The following LRP1B variants were observed in gnomAD, a reference collection of about 807,000 sequenced individuals.
The protein encoded by LRP1B is LDL receptor related protein 1B.
A neutral mutation model predicts 556.6 loss-of-function variants in LRP1B; 217 were observed. The ratio of observed to expected loss-of-function variants is 0.39; its 90% CI spans 0.35 to 0.44. The LOEUF (loss-of-function observed/expected upper bound fraction) is 0.44. Among genes scored for constraint, LRP1B ranks in the 20% least tolerant of loss-of-function variants. LRP1B has a pLI of 1.00. For synonymous variants in LRP1B, 2,047 were observed against 1,865.8 expected (o/e 1.10, Z -2.50); for missense variants, 5,053 against 5,620.8 (o/e 0.90, Z 3.23).
chr2:140,680,171 A>G (rs1685812838), intron 41 of LRP1B, among the ~76,000 whole-genome samples: 2 of 151,888 alleles, frequency 1.3e-5, no homozygotes, highest in Admixed American at 6.6e-5. Flanking sequence ...AGCTTTCCAG[A>G]CCCCAGACCC....
chr2:141,967,072 T>C (rs987117884), intron 1 of LRP1B, among the ~76,000 whole-genome samples: 1 of 151,932 alleles, frequency 6.6e-6, no homozygotes, highest in African/African-American at 2.4e-5. Flanking sequence ...AACTTCTTCT[T>C]ATCTCTTGAA....
chr2:142,006,549 G>A (rs898972803), intron 1 of LRP1B, among the ~76,000 whole-genome samples: 3 of 152,090 alleles, frequency 2.0e-5, no homozygotes, highest in East Asian at 1.9e-4. Context: ...CACCTTCTCC[G>A]TTAACACATT....
intron 46 of LRP1B, among the ~76,000 whole-genome samples, chr2:140,535,753 T>C (rs1042905109): frequency 2.0e-4 from 30 of 152,120 alleles, no homozygotes; most frequent in African/African-American, 7.2e-4. Flanking sequence ...CAGGAAAAAA[T>C]ATTGTTGCAA....
intron 7 of LRP1B, among the ~76,000 whole-genome samples, chr2:141,139,346 A>T (rs577071180): frequency 6.6e-6 from 1 of 152,088 alleles, no homozygotes; most frequent in African/African-American, 2.4e-5. Flanking sequence ...TATAAAAAAA[A>T]TGATAAACTT....
chr2:140,467,019 A>C (rs1214495929), intron 60 of LRP1B, among the ~76,000 whole-genome samples: 2 of 152,204 alleles, frequency 1.3e-5, no homozygotes, highest in Non-Finnish European at 2.9e-5. Flanking sequence ...CTTTTCATTA[A>C]ATGGAAAATG....
At chr2:140,522,917 AG>A (rs1690246844) in intron 49 of LRP1B, among the ~76,000 whole-genome samples, 1 of 152,030 alleles carries the variant, frequency 6.6e-6, no homozygotes, top group African/African-American at 2.4e-5. Flanking sequence ...AAATAAAAAA[AG>A]CCCTGGAACA....
At chr2:141,480,723 A>G (rs1346571985) in intron 2 of LRP1B, among the ~76,000 whole-genome samples, 190 bp from the exon 3 acceptor site, 1 of 152,236 alleles carries the variant, frequency 6.6e-6, no homozygotes, top group Non-Finnish European at 1.5e-5. Flanking sequence ...AAAGCTGCAT[A>G]GGAAAGGAAA....
chr2:142,015,813 G>A (rs1466044608), intron 1 of LRP1B, among the ~76,000 whole-genome samples: 1 of 151,760 alleles, frequency 6.6e-6, no homozygotes, highest in African/African-American at 2.4e-5. Context: ...CTAACACGGT[G>A]AAACCCCGTC....
chr2:140,981,763 T>C (rs528389898), intron 18 of LRP1B, among the ~76,000 whole-genome samples: 2 of 152,248 alleles, frequency 1.3e-5, no homozygotes, highest in African/African-American at 2.4e-5. Context: ...AGATAACATA[T>C]ACATGCCAAT....
chr2:140,849,095 A>G (rs1289752074), intron 29 of LRP1B, among the ~76,000 whole-genome samples: 1 of 151,278 alleles, frequency 6.6e-6, no homozygotes, highest in Non-Finnish European at 1.5e-5. Flanking sequence ...GGTGGCTCAC[A>G]GCTGTAATCC....
At chr2:141,571,745 T>C (rs545406727) in intron 2 of LRP1B, among the ~76,000 whole-genome samples, 1 of 152,094 alleles carries the variant, frequency 6.6e-6, no homozygotes, top group Non-Finnish European at 1.5e-5. Context: ...AACGACCTGA[T>C]GGTGCTGAGA....
intron 3 of LRP1B, among the ~76,000 whole-genome samples, chr2:141,430,420 A>C (rs976363897): frequency 2.0e-5 from 3 of 152,190 alleles, no homozygotes; most frequent in African/African-American, 7.2e-5. Flanking sequence ...CTAATTTTAA[A>C]ATAATTAATG....
At chr2:140,589,430 T>G (rs1682126871) in intron 43 of LRP1B, among the ~76,000 whole-genome samples, 1 of 152,194 alleles carries the variant, frequency 6.6e-6, no homozygotes, top group Non-Finnish European at 1.5e-5. Flanking sequence ...TATGACCCAG[T>G]GATTGAACTC....
At chr2:140,262,272 A>G (rs1250658955) in intron 86 of LRP1B, among the ~76,000 whole-genome samples, 1 of 152,166 alleles carries the variant, frequency 6.6e-6, no homozygotes, top group Non-Finnish European at 1.5e-5. Context: ...TAAAAATAAA[A>G]GCTAGTTTTA....
chr2:140,541,705 G>C, intron 44 of LRP1B, 74 bp downstream of exon 44: 2 of 1,126,512 alleles, frequency 1.8e-6, no homozygotes, highest in Non-Finnish European at 2.5e-6. Flanking sequence ...ACTATTACTA[G>C]AAAACATATA....
intron 32 of LRP1B, among the ~76,000 whole-genome samples, chr2:140,806,735 T>C (rs1690730288): frequency 6.6e-6 from 1 of 152,224 alleles, no homozygotes; most frequent in Non-Finnish European, 1.5e-5. Flanking sequence ...CTCAGTTCTA[T>C]TTTAAAGCTA....
chr2:141,726,978 T>C (rs1009871280), intron 2 of LRP1B, among the ~76,000 whole-genome samples: 1 of 152,100 alleles, frequency 6.6e-6, no homozygotes, highest in Non-Finnish European at 1.5e-5. Flanking sequence ...TGATCTAGAA[T>C]TGGGTAATAA....
intron 32 of LRP1B, among the ~76,000 whole-genome samples, chr2:140,811,400 A>T (rs1481348884): frequency 6.6e-6 from 1 of 152,226 alleles, no homozygotes; most frequent in Non-Finnish European, 1.5e-5. Context: ...CAGCAGCAAT[A>T]TTAGCAGAAA....
At chr2:141,069,793 T>A (rs12477423) in intron 7 of LRP1B, among the ~76,000 whole-genome samples, 131,712 of 152,006 alleles carry the variant, frequency 0.87, 57,410 homozygotes, top group Non-Finnish European at 0.91. Flanking sequence ...ATCTTGCAAC[T>A]TTCTCACCCT....
Sources: gnomAD v4.1 joint callset for allele counts (sites outside exome capture counted in the v4.1 genomes callset) on GRCh38, gnomAD v4.1.1 for gene constraint, MANE v1.5 for transcripts, NCBI Gene and HGNC (gene_info 2026-07-23, HGNC 2026-07-21) for gene names.